CSMD1: variants seen among roughly 807,000 people sequenced by gnomAD.
CSMD1 encodes CUB and sushi domain-containing protein 1.
A neutral mutation model predicts 417.5 loss-of-function variants in CSMD1; 213 were observed. That is an observed-to-expected ratio of 0.51 (90% CI 0.46 to 0.57). The LOEUF is 0.57. CSMD1 is among the 20% of genes least tolerant of loss of function. The pLI is 0.00. For missense variants in CSMD1, 6,923 were observed against 4,529.7 expected (o/e 1.53, Z -15.17); for synonymous variants, 2,862 against 1,736.8 (o/e 1.65, Z -16.11).
chr8:3,584,588 G>A (rs531710004), intron 9 of CSMD1, among the ~76,000 whole-genome samples: 1 of 152,174 alleles, frequency 6.6e-6, no homozygotes, highest in Non-Finnish European at 1.5e-5. Context: ...TTGAGTTTAA[G>A]ATGAGAGTCA....
intron 53 of CSMD1, 146 bp downstream of exon 53, chr8:2,999,812 G>T: frequency 1.6e-6 from 1 of 632,306 alleles, no homozygotes; most frequent in Non-Finnish European, 2.6e-6. Context: ...CACCTCTCCT[G>T]TTCTCTTTCT....
intron 2 of CSMD1, among the ~76,000 whole-genome samples, chr8:4,443,856 G>C (rs1372119095): frequency 1.3e-5 from 2 of 152,156 alleles, no homozygotes; most frequent in African/African-American, 4.8e-5. Context: ...GGGTAACAAA[G>C]TTGACATGTG....
At chr8:4,418,770 C>G (rs924012036) in intron 3 of CSMD1, among the ~76,000 whole-genome samples, 2 of 89,954 alleles carry the variant, frequency 2.2e-5, no homozygotes, top group African/African-American at 9.3e-5. Flanking sequence ...TAGCCTGCTG[C>G]TTTCCAAAGA....
chr8:3,660,731 G>C (rs1009837351), intron 7 of CSMD1, among the ~76,000 whole-genome samples: 1 of 90,316 alleles, frequency 1.1e-5, no homozygotes, highest in Non-Finnish European at 2.4e-5. Context: ...ATGTTGGTCA[G>C]GGTGATGTCA....
chr8:3,542,819 G>A (rs989924736), intron 10 of CSMD1, among the ~76,000 whole-genome samples: 25 of 152,340 alleles, frequency 1.6e-4, no homozygotes, highest in Middle Eastern at 3.4e-3. Context: ...AGCTAAGCAA[G>A]ATCCATAACC....
At chr8:4,822,495 T>C (rs937761012) in intron 1 of CSMD1, among the ~76,000 whole-genome samples, 1 of 152,132 alleles carries the variant, frequency 6.6e-6, no homozygotes, top group African/African-American at 2.4e-5. Context: ...TGGAGATGTT[T>C]CTCATTTACC....
chr8:4,206,941 T>G (rs1231267684), intron 3 of CSMD1, among the ~76,000 whole-genome samples: 1 of 152,216 alleles, frequency 6.6e-6, no homozygotes, highest in East Asian at 1.9e-4. Flanking sequence ...CCTCTTTGAA[T>G]GGATAAAATG....
In CSMD1 at chr8:3,254,301, C is replaced by T. The variant is rs181756550; in HGVS notation, c.4154-24070G>A. Among the ~76,000 whole-genome samples, 8 of 152,236 alleles carry T rather than the reference C, an allele frequency of 5.3e-5. No homozygotes were observed. In the East Asian group the frequency reaches 9.7e-4, roughly 18 times the overall value. The stretch of plus-strand genomic sequence containing the variant: ...AACCCGACCTTTCTCTCTGGCTGCC[C>T]TTAACATTTTTTCCTTCATTTTAAC... On this transcript the variant is annotated intron_variant, in intron 26 of 69. Coordinates refer to ENST00000635120, the MANE Select transcript of CSMD1 (RefSeq NM_033225.6).
In CSMD1 at chr8:3,920,647, T is replaced by A. The variant is rs145553644; in HGVS notation, c.818+77256A>T. 9.0e-4 allele frequency among the ~76,000 whole-genome samples: 137 copies of A among 152,278 alleles called. 2 individuals carry two copies. In the East Asian group the frequency reaches 0.022, roughly 25 times the overall value. On this transcript the variant is annotated intron_variant, in intron 5 of 69. Coordinates refer to ENST00000635120, the MANE Select transcript of CSMD1 (RefSeq NM_033225.6). ...TGACCTTTATTATGTTGAAGTATAT[T>A]CCTTCAACACATAATTTGTTGAGAG...
chr8:4,667,434 A>C (rs1272281626), intron 1 of CSMD1, among the ~76,000 whole-genome samples: 1 of 151,316 alleles, frequency 6.6e-6, no homozygotes, highest in Non-Finnish European at 1.5e-5. Context: ...TCCAGAGAAC[A>C]ATTTAGAAAA....
chr8:4,017,279 T>A (rs1303612190), intron 4 of CSMD1, among the ~76,000 whole-genome samples: 1 of 152,180 alleles, frequency 6.6e-6, no homozygotes, highest in Non-Finnish European at 1.5e-5. Context: ...TCTCATCATT[T>A]CTAATATCAA....
chr8:4,028,414 G>T (rs1022667439), intron 4 of CSMD1, among the ~76,000 whole-genome samples: 1 of 152,032 alleles, frequency 6.6e-6, no homozygotes, highest in African/African-American at 2.4e-5. Flanking sequence ...TTGTGGGGTG[G>T]TGGTAGTAGT....
At chr8:4,813,366 A>G (rs745305608) in intron 1 of CSMD1, among the ~76,000 whole-genome samples, 1 of 152,182 alleles carries the variant, frequency 6.6e-6, no homozygotes, top group Non-Finnish European at 1.5e-5. Context: ...AATTAATAGA[A>G]CATAAAGCTG....
At chr8:4,404,108 C>T (rs1355738384) in intron 3 of CSMD1, among the ~76,000 whole-genome samples, 5 of 152,188 alleles carry the variant, frequency 3.3e-5, no homozygotes, top group African/African-American at 1.2e-4. Context: ...AATGGTATTT[C>T]TCCAGAATTC....
intron 68 of CSMD1, among the ~76,000 whole-genome samples, chr8:2,945,457 T>C (rs773284005): frequency 1.9e-4 from 29 of 152,218 alleles, no homozygotes; most frequent in Non-Finnish European, 4.0e-4. Flanking sequence ...CTAATACTTC[T>C]ATAATGTTGC....
intron 1 of CSMD1, among the ~76,000 whole-genome samples, chr8:4,978,302 C>G (rs145726537): frequency 6.6e-6 from 1 of 152,170 alleles, no homozygotes; most frequent in East Asian, 1.9e-4. Context: ...ACTCAAGGGT[C>G]CCTCTAATTT....
chr8:4,024,980 G>C (rs1001328037), intron 4 of CSMD1, among the ~76,000 whole-genome samples: 6 of 152,236 alleles, frequency 3.9e-5, no homozygotes, highest in African/African-American at 9.6e-5. Context: ...GCCTGGGCTA[G>C]GCCTGGGTGG....
intron 12 of CSMD1, among the ~76,000 whole-genome samples, chr8:3,420,591 T>A (rs1813428652): frequency 6.6e-6 from 1 of 152,162 alleles, no homozygotes; most frequent in Admixed American, 6.6e-5. Flanking sequence ...TCTTTAAACC[T>A]AAAACTACTT....
intron 5 of CSMD1, among the ~76,000 whole-genome samples, chr8:3,981,852 CA>C (rs1207643481): frequency 6.6e-6 from 1 of 152,124 alleles, no homozygotes; most frequent in African/African-American, 2.4e-5. Flanking sequence ...GCACTTGCTG[CA>C]GGGAGTAATG....
Sources: gnomAD v4.1 joint callset for allele counts (sites outside exome capture counted in the v4.1 genomes callset) on GRCh38, gnomAD v4.1.1 for gene constraint, MANE v1.5 for transcripts, NCBI Gene and HGNC (gene_info 2026-07-23, HGNC 2026-07-21) for gene names.